SAMD12: variants seen among roughly 807,000 people sequenced by gnomAD.
The protein encoded by SAMD12 is sterile alpha motif domain-containing protein 12.
In SAMD12, 9 loss-of-function variants were observed where a neutral mutation model predicts 15.0. The ratio of observed to expected loss-of-function variants is 0.60; its 90% CI spans 0.36 to 1.05. The LOEUF (loss-of-function observed/expected upper bound fraction) is 1.05, where lower values mean the gene tolerates loss of function less well. Ranked by LOEUF, SAMD12 falls within the 50% of genes least tolerant of loss-of-function variation. SAMD12 has a pLI of 0.01. For synonymous variants in SAMD12, 86 were observed against 90.1 expected (o/e 0.96, Z 0.25); for missense variants, 230 against 234.2 (o/e 0.98, Z 0.12).
chr8:118,193,531 G>A (rs760757734), exon 5 of SAMD12: 30 of 152,256 alleles, frequency 2.0e-4, no homozygotes, highest in Non-Finnish European at 3.2e-4. Context: ...ACATCTCCTG[G>A]CCTGTCCTCC....
chr8:118,260,069 C>G (rs1813042346), intron 4 of SAMD12, among the ~76,000 whole-genome samples: 1 of 152,110 alleles, frequency 6.6e-6, no homozygotes, highest in Non-Finnish European at 1.5e-5. Flanking sequence ...TCTCAGGAAG[C>G]TGGCAGGTCA....
rs568495213 is a variant in SAMD12, at chr8:118,601,215, ATTAAT to A, written c.14-20327_14-20323del. ...CATGTAATTATAATTATCTTAAAAG[ATTAAT>A]TTAAAATGTAGGGAAATGTTACTAT... On this transcript the variant is annotated intron_variant, in intron 1 of 3. Transcript: ENST00000314727. Among the ~76,000 whole-genome samples the A allele has an allele frequency of 3.3e-3, 503 of 152,314 alleles. 3 individuals are homozygous for A. The highest frequency in any genetic ancestry group is 0.012 in the African/African-American group (485 of 41,572).
chr8:118,501,909 C>T (rs1417789655), intron 2 of SAMD12, among the ~76,000 whole-genome samples: 12 of 150,666 alleles, frequency 8.0e-5, no homozygotes, highest in Admixed American at 8.0e-4. Flanking sequence ...CCCAGCTACT[C>T]GGGAGGCTGA....
Position 118,450,895 on chromosome 8 carries a change from C to T in SAMD12, c.193-10934G>A, listed in dbSNP as rs909114542. Among the ~76,000 whole-genome samples the T allele has an allele frequency of 4.6e-5, 7 of 152,236 alleles. No individual in the cohort carries two copies. The South Asian group carries it at 6.2e-4, about 14-fold the overall frequency. ...TGCTTTTCTGAAACCCTTCTGAGAA[C>T]GTGTGTGGTCAAGCCTGACCAAATT... On this transcript the variant is annotated intron_variant, in intron 2 of 3. Coordinates refer to ENST00000314727, the MANE Select transcript of SAMD12 (RefSeq NM_207506.3).
the SAMD12 span, among the ~76,000 whole-genome samples, chr8:118,138,368 A>G: frequency 9.8e-5 from 15 of 152,300 alleles, no homozygotes; most frequent in East Asian, 2.7e-3. Flanking sequence ...AAGGTGACAG[A>G]GTTAGTAGGT....
chr8:118,304,049 T>G (rs61113828), intron 4 of SAMD12, among the ~76,000 whole-genome samples: 9,135 of 152,200 alleles, frequency 0.06, 824 homozygotes, highest in African/African-American at 0.19. Flanking sequence ...GCCTTCCTAG[T>G]TGTCTTCATC....
At chr8:118,363,323 T>C (rs1415294066) in intron 4 of SAMD12, among the ~76,000 whole-genome samples, 1 of 152,128 alleles carries the variant, frequency 6.6e-6, no homozygotes, top group Admixed American at 6.6e-5. Context: ...AGATTAACAT[T>C]AGAATTGGTA....
chr8:118,148,511 T>TA, the SAMD12 span, among the ~76,000 whole-genome samples: 1 of 152,166 alleles, frequency 6.6e-6, no homozygotes, highest in African/African-American at 2.4e-5. Context: ...TATGATCTTT[T>TA]AAAAAAACTG....
intron 4 of SAMD12, among the ~76,000 whole-genome samples, chr8:118,299,218 C>T (rs1301296243): frequency 6.6e-6 from 1 of 152,084 alleles, no homozygotes; most frequent in Non-Finnish European, 1.5e-5. Flanking sequence ...AATAAGGTAC[C>T]AGAGCCTGGG....
At chr8:118,271,619 C>A (rs183413618) in intron 4 of SAMD12, among the ~76,000 whole-genome samples, 1 of 152,298 alleles carries the variant, frequency 6.6e-6, no homozygotes, top group East Asian at 1.9e-4. Flanking sequence ...CCTGTAAACT[C>A]AAAAGCAAGT....
intron 4 of SAMD12, among the ~76,000 whole-genome samples, chr8:118,255,831 T>G (rs1020501465): frequency 3.9e-5 from 6 of 152,140 alleles, no homozygotes; most frequent in Non-Finnish European, 7.3e-5. Context: ...GCATGTGTCT[T>G]TATAGCAGCA....
intron 3 of SAMD12, among the ~76,000 whole-genome samples, chr8:118,408,244 C>T (rs1475496909): frequency 2.0e-5 from 3 of 151,946 alleles, no homozygotes; most frequent in African/African-American, 7.3e-5. Flanking sequence ...ACTACACCAT[C>T]TGCTTTCTCA....
At chr8:118,461,060 C>T (rs1372158063) in intron 2 of SAMD12, among the ~76,000 whole-genome samples, 3 of 152,222 alleles carry the variant, frequency 2.0e-5, no homozygotes, top group African/African-American at 7.2e-5. Flanking sequence ...TTTCAAGCCT[C>T]AAATTAAATA....
Position 118,621,821 on chromosome 8 carries a change from T to C in SAMD12, c.-5A>G. 1 of 1,614,104 alleles carries C rather than the reference T, an allele frequency of 6.2e-7. No homozygotes were observed. The highest frequency in any genetic ancestry group is 8.5e-7 in the Non-Finnish European group (1 of 1,179,980). On this transcript the variant is annotated 5_prime_UTR_variant, in exon 1 of 4. It removes the in-frame stop codon of an upstream open reading frame in the 5' UTR. Coordinates refer to ENST00000314727, the MANE Select transcript of SAMD12 (RefSeq NM_207506.3). Reference sequence around the variant, plus strand: ...TCCCTTACCTTCCACAGCCATTCTCTCAGAGCTTCCCTAACGCATGCATAA... The same window carrying C: ...TCCCTTACCTTCCACAGCCATTCTCCCAGAGCTTCCCTAACGCATGCATAA...
intron 4 of SAMD12, among the ~76,000 whole-genome samples, chr8:118,219,586 T>C (rs1296878257): frequency 6.6e-6 from 1 of 152,188 alleles, no homozygotes; most frequent in African/African-American, 2.4e-5. Flanking sequence ...AGGAGAATGA[T>C]GGAATGATGC....
At chr8:118,166,776 C>A in the SAMD12 span, among the ~76,000 whole-genome samples, 1 of 152,196 alleles carries the variant, frequency 6.6e-6, no homozygotes, top group East Asian at 1.9e-4. Context: ...AACAAAGGTA[C>A]AACAATGGTA....
chr8:118,177,859 TG>T, the SAMD12 span, among the ~76,000 whole-genome samples: 1 of 152,354 alleles, frequency 6.6e-6, no homozygotes, highest in East Asian at 1.9e-4. Context: ...TGGGCAAGTG[TG>T]TGGTAGGAAG....
At chr8:118,135,970 C>T in the SAMD12 span, among the ~76,000 whole-genome samples, 2 of 152,142 alleles carry the variant, frequency 1.3e-5, no homozygotes, top group African/African-American at 4.8e-5. Flanking sequence ...CCCGCTTTGT[C>T]CCCACTTTGT....
intron 4 of SAMD12, among the ~76,000 whole-genome samples, chr8:118,280,884 G>C (rs1441228078): frequency 6.6e-6 from 1 of 152,146 alleles, no homozygotes; most frequent in Non-Finnish European, 1.5e-5. Context: ...GTATCTCCAT[G>C]CTTTCAGTTT....
Sources: gnomAD v4.1 joint callset for allele counts (sites outside exome capture counted in the v4.1 genomes callset) on GRCh38, gnomAD v4.1.1 for gene constraint, MANE v1.5 for transcripts, NCBI Gene and HGNC (gene_info 2026-07-23, HGNC 2026-07-21) for gene names.